Variants in FBXW10 observed in about 807,000 individuals in gnomAD.
The protein encoded by FBXW10 is F-box and WD repeat domain containing 10, also known as F-box/WD repeat-containing protein 10.
A neutral mutation model predicts 113.1 loss-of-function variants in FBXW10; 68 were observed. That is an observed-to-expected ratio of 0.60 (90% CI 0.49 to 0.74). The LOEUF (loss-of-function observed/expected upper bound fraction) is 0.74. Among genes scored for constraint, FBXW10 ranks in the 30% least tolerant of loss-of-function variants. The pLI is 0.00. For missense variants in FBXW10, 753 were observed against 1,284.5 expected (o/e 0.59, Z 6.32); for synonymous variants, 289 against 481.6 (o/e 0.60, Z 5.24).
chr17:18,767,210 C>T (rs2035514160), intron 9 of FBXW10, among the ~76,000 whole-genome samples: 1 of 152,008 alleles, frequency 6.6e-6, no homozygotes, highest in Non-Finnish European at 1.5e-5. Context: ...CAGTGGCTCA[C>T]ACCTGTAATC....
intron 5 of FBXW10, among the ~76,000 whole-genome samples, chr17:18,752,893 G>A (rs1171366575): frequency 6.6e-6 from 1 of 152,094 alleles, no homozygotes; most frequent in African/African-American, 2.4e-5. Flanking sequence ...TTGTTTTCAA[G>A]TCTGTTGCTC....
intron 1 of FBXW10, among the ~76,000 whole-genome samples, chr17:18,746,789 G>A (rs1169012287): frequency 2.6e-5 from 4 of 152,140 alleles, no homozygotes; most frequent in African/African-American, 7.2e-5. Context: ...TGCCAGCAGC[G>A]GAAGGCCTGG....
At chr17:18,771,247 C>G (rs2035608090) in intron 11 of FBXW10, among the ~76,000 whole-genome samples, 1 of 152,172 alleles carries the variant, frequency 6.6e-6, no homozygotes, top group East Asian at 1.9e-4. Context: ...TCCAGCAGTT[C>G]CAGCCAAAAC....
chr17:18,763,759 T>G (rs1430748862), intron 7 of FBXW10, among the ~76,000 whole-genome samples: 6 of 152,138 alleles, frequency 3.9e-5, no homozygotes. Flanking sequence ...ATATTTTGGA[T>G]CTAAGTGATT....
At chr17:18,771,863 C>G (rs2035619483) in intron 11 of FBXW10, among the ~76,000 whole-genome samples, 1 of 152,146 alleles carries the variant, frequency 6.6e-6, no homozygotes, top group Non-Finnish European at 1.5e-5. Flanking sequence ...AATTTCAGCA[C>G]TTTGGGAGGC....
At position 18,779,090 on chromosome 17, in the gene FBXW10, AG is replaced by A; in HGVS notation, c.2952del (p.Glu984AspfsTer5). 1 of 1,348,408 alleles carries A rather than the reference AG, an allele frequency of 7.4e-7. No homozygotes were observed. The highest frequency in any genetic ancestry group is 1.0e-6 in the Non-Finnish European group (1 of 959,570). The allele number at this position is 1,348,408 out of a possible 1,614,324, so 83.5% of individuals were successfully genotyped here. On this transcript the variant is annotated frameshift_variant, in exon 14 of 14. Transcript: ENST00000395665. LOFTEE classifies it high-confidence loss of function. The stretch of plus-strand genomic sequence containing the variant: ...CTTGATCCTTTTAGAGTGAACACTG[AG>A]TTCGTGCTGTTGACCGTGAAGGAGG... Reference protein sequence around the residue: ...TALDPFRVNTEFVLLTVKEEK... With the variant: ...TALDPFRVNTXFVLLTVKEEK...
At chr17:18,745,604 T>C (rs4349204) in intron 1 of FBXW10, among the ~76,000 whole-genome samples, 85,026 of 151,460 alleles carry the variant, frequency 0.56, 24,228 homozygotes, top group African/African-American at 0.63. Flanking sequence ...TTAGTAGAGA[T>C]GGGGTTTCAC....
chr17:18,752,341 G>A (rs2035186228), intron 5 of FBXW10, among the ~76,000 whole-genome samples: 1 of 152,102 alleles, frequency 6.6e-6, no homozygotes, highest in South Asian at 2.1e-4. Flanking sequence ...GAAACCTGAG[G>A]TATTATGTGA....
At chr17:18,768,026 T>TCTTCCTTCCTTCCTTCCTTCCTTC (rs72275127) in intron 9 of FBXW10, among the ~76,000 whole-genome samples, 1,940 of 135,696 alleles carry the variant, frequency 0.014, 24 homozygotes, top group African/African-American at 0.018. Flanking sequence ...TTCCTTCCTT[T>TCTTCCTTCCTTCCTTCCTTCCTTC]CTTCCTTCCT....
At chr17:18,758,811 C>T in intron 7 of FBXW10, among the ~76,000 whole-genome samples, 1 of 65,888 alleles carries the variant, frequency 1.5e-5, no homozygotes. Context: ...CTTACAGACT[C>T]TTTCAGGGGA....
intron 7 of FBXW10, among the ~76,000 whole-genome samples, 173 bp downstream of exon 7, chr17:18,758,678 T>A (rs2035321460): frequency 7.4e-6 from 1 of 135,176 alleles, no homozygotes; most frequent in Admixed American, 8.1e-5. Flanking sequence ...ATGTATATAT[T>A]GCTTAAAATT....
intron 12 of FBXW10, among the ~76,000 whole-genome samples, chr17:18,772,945 T>C (rs1306736701): frequency 1.3e-5 from 2 of 150,704 alleles, no homozygotes; most frequent in East Asian, 1.9e-4. Flanking sequence ...TTTTTTTTTT[T>C]GAGATGGAGT....
intron 13 of FBXW10, among the ~76,000 whole-genome samples, chr17:18,776,646 G>T (rs2035705021): frequency 6.6e-6 from 1 of 152,170 alleles, no homozygotes; most frequent in African/African-American, 2.4e-5. Flanking sequence ...ATATTGCCAA[G>T]GTTGTCCTGA....
intron 11 of FBXW10, 128 bp from the exon 12 acceptor site, chr17:18,772,284 C>A: frequency 2.4e-6 from 2 of 834,148 alleles, no homozygotes; most frequent in Non-Finnish European, 3.9e-6. Context: ...GCCTACACTA[C>A]TAGTCTGTTT....
At chr17:18,766,221 G>T (rs2035493795) in intron 8 of FBXW10, among the ~76,000 whole-genome samples, 1 of 151,956 alleles carries the variant, frequency 6.6e-6, no homozygotes, top group Non-Finnish European at 1.5e-5. Context: ...GAGGGTAGAT[G>T]ACCTTCTTTC....
In FBXW10 at chr17:18,772,624, T is replaced by C; in HGVS notation, c.2219T>C (p.Leu740Pro). 3.7e-6 allele frequency: 6 copies of C among 1,614,050 alleles called. No homozygotes were observed. Among genetic ancestry groups the C allele is most frequent in the Non-Finnish European group, 5.1e-6 (6 of 1,179,976 alleles). Residue 740 changes from leucine (L) to proline (P), a missense_variant, in exon 12 of 14, where the codon CTC becomes CCC. Leu to Pro is a moderately conservative substitution (Grantham distance 98, BLOSUM62 -3). Coordinates refer to ENST00000395665, the MANE Select transcript of FBXW10 (RefSeq NM_001267585.2). Reference sequence around the variant, plus strand: ...AGTAAACAAACTGTGATCCAAGAGCTCCTACCAGGCAAACCTCCCAAGTCC... The same window carrying C: ...AGTAAACAAACTGTGATCCAAGAGCCCCTACCAGGCAAACCTCCCAAGTCC... ...VSSKQTVIQELLPGKPPKSRV... is the reference protein window; with the variant it reads ...VSSKQTVIQEPLPGKPPKSRV...
At chr17:18,773,943 A>G (rs530447840) in intron 12 of FBXW10, among the ~76,000 whole-genome samples, 1 of 152,346 alleles carries the variant, frequency 6.6e-6, no homozygotes, top group South Asian at 2.1e-4. Flanking sequence ...TCCTTTAAAT[A>G]GACAAAAACA....
At position 18,752,976 on chromosome 17, in the gene FBXW10, C is replaced by G. The variant is rs562179110; in HGVS notation, c.1122+1923C>G. Among the ~76,000 whole-genome samples, 5 of 152,284 alleles carry G rather than the reference C, an allele frequency of 3.3e-5. No individual in the cohort carries two copies. The South Asian group carries it at 1.0e-3, about 32-fold the overall frequency. On this transcript the variant is annotated intron_variant, in intron 5 of 13. Transcript: ENST00000395665. ...CAGTAATGGCCCAACAGAAGGACTA[C>G]CCAGCCAGTGTTTGACATTCTAGGA...
At chr17:18,776,981 C>CT (rs1455417373) in intron 13 of FBXW10, among the ~76,000 whole-genome samples, 2 of 150,970 alleles carry the variant, frequency 1.3e-5, no homozygotes, top group Admixed American at 1.3e-4. Context: ...ATCACAATTC[C>CT]TTTTTTTATA....
Sources: gnomAD v4.1 joint callset for allele counts (sites outside exome capture counted in the v4.1 genomes callset) on GRCh38, gnomAD v4.1.1 for gene constraint, MANE v1.5 for transcripts, NCBI Gene and HGNC (gene_info 2026-07-23, HGNC 2026-07-21) for gene names.